TACR3: variants seen among roughly 807,000 people sequenced by gnomAD.
TACR3 encodes neuromedin-K receptor.
A neutral mutation model predicts 35.0 loss-of-function variants in TACR3; 34 were observed. The ratio of observed to expected loss-of-function variants is 0.97; its 90% CI spans 0.74 to 1.30. The LOEUF (loss-of-function observed/expected upper bound fraction) is 1.30. Ranked by LOEUF, TACR3 falls within the 50% of genes most tolerant of loss-of-function variation. The pLI is 0.00. For synonymous variants in TACR3, 233 were observed against 221.1 expected, an observed-to-expected ratio of 1.05 and a Z score of -0.48; for missense variants, 558 against 591.7, an observed-to-expected ratio of 0.94 and a Z score of 0.59.
At chr4:103,621,555 G>A (rs896286369) in intron 3 of TACR3, among the ~76,000 whole-genome samples, 4 of 152,134 alleles carry the variant, frequency 2.6e-5, no homozygotes, top group Non-Finnish European at 5.9e-5. Context: ...ATGGAGAAAA[G>A]GCTTAGGAAA....
intron 1 of TACR3, among the ~76,000 whole-genome samples, chr4:103,691,621 G>A (rs1722402697): frequency 6.6e-6 from 1 of 152,096 alleles, no homozygotes; most frequent in Admixed American, 6.6e-5. Context: ...ACCCCAAACT[G>A]GCCATAAACA....
At chr4:103,646,815 G>C (rs781333714) in intron 3 of TACR3, among the ~76,000 whole-genome samples, 7 of 151,872 alleles carry the variant, frequency 4.6e-5, no homozygotes, top group Non-Finnish European at 7.4e-5. Context: ...TCAAATTGTA[G>C]TCATATGGAT....
intron 1 of TACR3, among the ~76,000 whole-genome samples, chr4:103,679,917 A>G (rs1198145618): frequency 1.3e-5 from 2 of 151,930 alleles, no homozygotes; most frequent in Non-Finnish European, 2.9e-5. Flanking sequence ...TCTATTATAT[A>G]TATATTTTTA....
chr4:103,688,947 C>T (rs530574208), intron 1 of TACR3, among the ~76,000 whole-genome samples: 14 of 152,128 alleles, frequency 9.2e-5, no homozygotes, highest in Admixed American at 2.6e-4. Context: ...AACACATGCA[C>T]GCGTATGTTT....
At chr4:103,675,696 C>T (rs1248109398) in intron 1 of TACR3, among the ~76,000 whole-genome samples, 1 of 152,084 alleles carries the variant, frequency 6.6e-6, no homozygotes, top group Non-Finnish European at 1.5e-5. Flanking sequence ...AGCCAATTTG[C>T]AGCACTCCTG....
At chr4:103,601,109 G>A (rs139152602) in intron 3 of TACR3, among the ~76,000 whole-genome samples, 2,538 of 152,092 alleles carry the variant, frequency 0.017, 56 homozygotes, top group African/African-American at 0.057. Context: ...TTTGTTGGTC[G>A]CTAAGGACTT....
At chr4:103,657,578 T>C (rs116041436) in intron 2 of TACR3, among the ~76,000 whole-genome samples, 2,243 of 152,066 alleles carry the variant, frequency 0.015, 56 homozygotes, top group African/African-American at 0.052. Context: ...GAAAAATAAG[T>C]ACATTATTAA....
intron 3 of TACR3, among the ~76,000 whole-genome samples, chr4:103,637,328 C>A (rs577364787): frequency 6.6e-5 from 10 of 151,916 alleles, no homozygotes; most frequent in East Asian, 1.9e-4. Context: ...ACAGAACCAA[C>A]GACAAAAACC....
At chr4:103,648,340 C>T (rs1451232686) in intron 3 of TACR3, among the ~76,000 whole-genome samples, 2 of 151,940 alleles carry the variant, frequency 1.3e-5, no homozygotes, top group Admixed American at 6.6e-5. Context: ...TTATTGTTGA[C>T]GGTAGTCATT....
intron 3 of TACR3, among the ~76,000 whole-genome samples, chr4:103,632,588 G>A (rs974210359): frequency 1.3e-5 from 2 of 151,820 alleles, no homozygotes; most frequent in Admixed American, 6.6e-5. Flanking sequence ...AATAGGTGCA[G>A]CAAACCACCA....
At chr4:103,638,321 C>T (rs1213744696) in intron 3 of TACR3, among the ~76,000 whole-genome samples, 3 of 151,318 alleles carry the variant, frequency 2.0e-5, no homozygotes, top group Non-Finnish European at 4.4e-5. Flanking sequence ...ACAAACCTGA[C>T]AAAAACAAGA....
chr4:103,614,884 GTTTTTTTTTTTTT>G lies in TACR3; in HGVS notation c.889-23214_889-23202del, dbSNP rs71580414. ...TATAACCTAAGTTGATTATGAATGT[GTTTTTTTTTTTTT>G]TTTTTTTTTTTTTTTGAGACAGAGT... On this transcript the variant is annotated intron_variant, in intron 3 of 4. Transcript: ENST00000304883. Among the ~76,000 whole-genome samples the G allele has an allele frequency of 8.6e-4, 62 of 72,060 alleles. 1 individual carries two copies. In the South Asian group the frequency reaches 0.022, roughly 26 times the overall value. The allele number at this position is 72,060 out of a possible 152,430, so 47.3% of individuals were successfully genotyped here.
In TACR3 at chr4:103,634,841, C is replaced by G. The variant is rs551867301; in HGVS notation, c.888+21353G>C. ...AAAGGTTTTCACATTTATCCCTTTC[C>G]ATTTCACCTTTAGTTTCTCTAGCTT... On this transcript the variant is annotated intron_variant, in intron 3 of 4. Coordinates refer to ENST00000304883, the MANE Select transcript of TACR3 (RefSeq NM_001059.3). Among the ~76,000 whole-genome samples, 11 of 152,192 alleles carry G rather than the reference C, an allele frequency of 7.2e-5. No individual in the cohort carries two copies. The South Asian group carries it at 1.7e-3, about 23-fold the overall frequency.
At chr4:103,718,701 T>C (rs1723142630) in intron 1 of TACR3, among the ~76,000 whole-genome samples, 1 of 152,282 alleles carries the variant, frequency 6.6e-6, no homozygotes, top group Non-Finnish European at 1.5e-5. Context: ...GCGACTCATT[T>C]ACCATTTCTC....
chr4:103,642,609 T>G (rs1012779178), intron 3 of TACR3, among the ~76,000 whole-genome samples: 1 of 151,538 alleles, frequency 6.6e-6, no homozygotes, highest in Non-Finnish European at 1.5e-5. Context: ...TATATGAAAA[T>G]TGATCTCACG....
chr4:103,612,064 T>C (rs1337524589), intron 3 of TACR3, among the ~76,000 whole-genome samples: 1 of 152,162 alleles, frequency 6.6e-6, no homozygotes, highest in Admixed American at 6.5e-5. Context: ...GTAAAATAGA[T>C]TACCCTCTAC....
chr4:103,631,514 C>A (rs768490078), intron 3 of TACR3, among the ~76,000 whole-genome samples: 3 of 152,076 alleles, frequency 2.0e-5, no homozygotes, highest in Admixed American at 6.6e-5. Flanking sequence ...AAGTTTAATT[C>A]ATTTAGCAGT....
intron 1 of TACR3, among the ~76,000 whole-genome samples, chr4:103,675,574 T>G (rs1263222963): frequency 6.6e-6 from 1 of 152,136 alleles, no homozygotes. Context: ...AGGGAGTGGG[T>G]ACCCCACTTC....
chr4:103,606,561 C>T (rs1240260805), intron 3 of TACR3, among the ~76,000 whole-genome samples: 2 of 152,138 alleles, frequency 1.3e-5, no homozygotes, highest in African/African-American at 2.4e-5. Flanking sequence ...AGTTGGATTC[C>T]TAGGTATTTT....
Sources: gnomAD v4.1 joint callset for allele counts (sites outside exome capture counted in the v4.1 genomes callset) on GRCh38, gnomAD v4.1.1 for gene constraint, MANE v1.5 for transcripts, NCBI Gene and HGNC (gene_info 2026-07-23, HGNC 2026-07-21) for gene names.